ASF1B: variants seen among roughly 807,000 people sequenced by gnomAD.
ASF1B encodes the protein anti-silencing function 1B histone chaperone, also known as histone chaperone ASF1B.
In ASF1B, 10 loss-of-function variants were observed where a neutral mutation model predicts 16.6. The observed-to-expected ratio is 0.60, with a 90% CI of 0.37 to 1.02. ASF1B has a LOEUF of 1.02. ASF1B is among the 50% of genes least tolerant of loss of function. ASF1B has a pLI of 0.01. For missense variants in ASF1B, 240 were observed against 266.0 expected (o/e 0.90, Z 0.68); for synonymous variants, 101 against 106.2 (o/e 0.95, Z 0.30).
At chr19:14,135,535 G>C (rs34339305) in intron 1 of ASF1B, among the ~76,000 whole-genome samples, 1 of 152,054 alleles carries the variant, frequency 6.6e-6, no homozygotes, top group African/African-American at 2.4e-5. Context: ...GCAGAAAAGC[G>C]GCAGCAACTG....
At chr19:14,126,272 A>G (rs759509266) in intron 1 of ASF1B, 35 bp from the exon 2 acceptor site, 1 of 1,479,856 alleles carries the variant, frequency 6.8e-7, no homozygotes, top group South Asian at 1.1e-5. Context: ...TAATTGAAAT[A>G]GCTCAACAGC....
At chr19:14,134,520 C>T (rs772793623) in intron 1 of ASF1B, among the ~76,000 whole-genome samples, 1 of 151,958 alleles carries the variant, frequency 6.6e-6, no homozygotes, top group Admixed American at 6.6e-5. Flanking sequence ...AGATCACCAC[C>T]TCCTCGGCTG....
chr19:14,120,730 G>A, intron 3 of ASF1B, 65 bp from the exon 4 acceptor site: 2 of 1,508,570 alleles, frequency 1.3e-6, no homozygotes, highest in Admixed American at 1.8e-5. Flanking sequence ...ATAGAGCCAG[G>A]ACACCCCCAA....
At chr19:14,126,797 G>A (rs1967325419) in intron 1 of ASF1B, among the ~76,000 whole-genome samples, 1 of 152,086 alleles carries the variant, frequency 6.6e-6, no homozygotes, top group South Asian at 2.1e-4. Flanking sequence ...AGTAGAGATG[G>A]GGTTTCACCA....
chr19:14,136,365 C>T lies in ASF1B; in HGVS notation c.92G>A (p.Ser31Asn), dbSNP rs759269874. 2.5e-6 allele frequency: 4 copies of T among 1,613,322 alleles called. No homozygotes were observed. The highest frequency in any genetic ancestry group is 1.1e-5 in the South Asian group (1 of 91,020). ...AGCCTCACCGTCCGCCAGGGCTTCA[C>T]TGCACTCGAAGCTGATCTCGAACCG... is the stretch of plus-strand genomic sequence containing the variant. The part of the protein sequence containing the change: ...PFRFEISFEC[S>N]EALADDLEWK... The change falls in exon 1 of 4, where the codon AGT becomes AAT. Residue 31 changes from serine (S) to asparagine (N), a missense_variant. Physicochemically the swap from Ser to Asn is conservative, Grantham distance 46. Coordinates refer to ENST00000263382, the MANE Select transcript of ASF1B (RefSeq NM_018154.3).
chr19:14,123,550 C>G (rs1967273309), intron 2 of ASF1B, among the ~76,000 whole-genome samples: 1 of 151,376 alleles, frequency 6.6e-6, no homozygotes, highest in Non-Finnish European at 1.5e-5. Flanking sequence ...TGGCTAATTT[C>G]TTGTATTTTT....
intron 3 of ASF1B, 198 bp downstream of exon 3, chr19:14,121,334 G>A (rs1967233247): frequency 1.9e-6 from 1 of 523,114 alleles, no homozygotes; most frequent in Non-Finnish European, 3.2e-6. Context: ...TGTTGCCCAG[G>A]CTGGCCTAAT....
chr19:14,130,810 T>A (rs867235485), intron 1 of ASF1B, among the ~76,000 whole-genome samples: 22 of 150,412 alleles, frequency 1.5e-4, no homozygotes, highest in South Asian at 6.3e-4. Context: ...TATATATATA[T>A]AAATGATAAG....
At chr19:14,133,796 C>CTT (rs1967442829) in intron 1 of ASF1B, among the ~76,000 whole-genome samples, 3 of 139,080 alleles carry the variant, frequency 2.2e-5, no homozygotes, top group South Asian at 2.2e-4. Context: ...ACCGCACAAC[C>CTT]ATTTTTTTTT....
chr19:14,124,359 G>A (rs1967287287), intron 2 of ASF1B, among the ~76,000 whole-genome samples: 1 of 151,410 alleles, frequency 6.6e-6, no homozygotes, highest in African/African-American at 2.4e-5. Context: ...CTCGCTATGT[G>A]GCCCAGGCTA....
intron 2 of ASF1B, among the ~76,000 whole-genome samples, chr19:14,122,363 G>GGC (rs1967252562): frequency 7.0e-6 from 1 of 142,978 alleles, no homozygotes; most frequent in African/African-American, 2.8e-5. Context: ...CATTGCGCCT[G>GGC]GACTTTTTTT....
intron 1 of ASF1B, among the ~76,000 whole-genome samples, chr19:14,134,209 C>T (rs1412069669): frequency 1.3e-5 from 2 of 152,146 alleles, no homozygotes; most frequent in African/African-American, 4.8e-5. Flanking sequence ...TCCATCTCCT[C>T]CTGGCTTTTA....
intron 1 of ASF1B, among the ~76,000 whole-genome samples, chr19:14,129,734 GAAA>G (rs1181990017): frequency 9.8e-6 from 1 of 101,860 alleles, no homozygotes; most frequent in African/African-American, 3.6e-5. Context: ...AAGAAAGGAA[GAAA>G]AAAAGAGTTA....
rs747406217 is a variant in ASF1B at position 14,126,202 on chromosome 19, C to T, written c.145G>A (p.Glu49Lys). ...AGGATCTGATCAAATTCCTCACTCT[C>T]AGCCGAGCCAACATAAATGATCTTC... is the stretch of plus-strand genomic sequence containing the variant. ...EWKIIYVGSA[E>K]SEEFDQILDS... The change falls in exon 2 of 4, where the codon GAG becomes AAG. Residue 49 changes from glutamate (E) to lysine (K), a missense_variant. Physicochemically the swap from Glu to Lys is moderately conservative, Grantham distance 56. Coordinates refer to ENST00000263382, the MANE Select transcript of ASF1B (RefSeq NM_018154.3). 3 of 1,613,594 alleles carry T rather than the reference C, an allele frequency of 1.9e-6. No homozygotes were observed. The highest frequency in any genetic ancestry group is 2.5e-6 in the Non-Finnish European group (3 of 1,180,012).
chr19:14,131,178 A>AT (rs924558802), intron 1 of ASF1B, among the ~76,000 whole-genome samples: 19 of 119,236 alleles, frequency 1.6e-4, no homozygotes, highest in Admixed American at 1.7e-4. Flanking sequence ...GTGCCTGGCC[A>AT]TTTTTTTTTT....
chr19:14,129,113 G>A (rs1209922934), intron 1 of ASF1B, among the ~76,000 whole-genome samples: 4 of 152,158 alleles, frequency 2.6e-5, no homozygotes, highest in Admixed American at 2.6e-4. Flanking sequence ...AATTAATTGG[G>A]TGTGGTGGCG....
chr19:14,136,067 G>C (rs575064558), intron 1 of ASF1B, among the ~76,000 whole-genome samples: 1 of 151,818 alleles, frequency 6.6e-6, no homozygotes, highest in African/African-American at 2.4e-5. Context: ...GGGCAGTGGG[G>C]GAAGAGGCCA....
chr19:14,136,297 G>A (rs1487030057), intron 1 of ASF1B, 51 bp downstream of exon 1: 4 of 1,538,408 alleles, frequency 2.6e-6, no homozygotes, highest in Non-Finnish European at 3.6e-6. Context: ...TCTCTGAGGG[G>A]AGGCCGGGGT....
chr19:14,121,035 G>A (rs1374273040), intron 3 of ASF1B, among the ~76,000 whole-genome samples: 1 of 151,944 alleles, frequency 6.6e-6, no homozygotes, highest in African/African-American at 2.4e-5. Flanking sequence ...TGGCCAGGCT[G>A]GTCTCAAACT....
Sources: gnomAD v4.1 joint callset for allele counts (sites outside exome capture counted in the v4.1 genomes callset) on GRCh38, gnomAD v4.1.1 for gene constraint, MANE v1.5 for transcripts, NCBI Gene and HGNC (gene_info 2026-07-23, HGNC 2026-07-21) for gene names.